Variants in SEC23A observed in about 807,000 individuals in gnomAD.
The protein encoded by SEC23A is protein transport protein Sec23A.
SEC23A carries 56 observed loss-of-function variants against 103.7 expected under a neutral mutation model. That is an observed-to-expected ratio of 0.54 (90% CI 0.44 to 0.67). The LOEUF (loss-of-function observed/expected upper bound fraction) is 0.67, where lower values mean the gene tolerates loss of function less well. SEC23A is among the 30% of genes least tolerant of loss of function. The pLI, the probability that SEC23A is intolerant of heterozygous loss-of-function variation, is 0.00. For missense variants in SEC23A, 784 were observed against 936.4 expected, an observed-to-expected ratio of 0.84 and a Z score of 2.12; for synonymous variants, 281 against 293.0, an observed-to-expected ratio of 0.96 and a Z score of 0.42.
At chr14:39,068,700 C>T (rs1886752831) in intron 9 of SEC23A, among the ~76,000 whole-genome samples, 1 of 152,078 alleles carries the variant, frequency 6.6e-6, no homozygotes, top group South Asian at 2.1e-4. Context: ...ATATGATACA[C>T]ATGCATACAA....
intron 13 of SEC23A, among the ~76,000 whole-genome samples, chr14:39,060,388 C>G (rs1235888535): frequency 6.6e-6 from 1 of 152,120 alleles, no homozygotes; most frequent in Non-Finnish European, 1.5e-5. Context: ...ATGTCCATCA[C>G]TCAACAAAAG....
At chr14:39,096,530 CA>C (rs145342826) in intron 1 of SEC23A, among the ~76,000 whole-genome samples, 39,518 of 132,276 alleles carry the variant, frequency 0.3, 6,211 homozygotes, top group Non-Finnish European at 0.38. Flanking sequence ...AACTCCATCT[CA>C]AAAAAAAAAA....
At chr14:39,040,612 C>T in intron 18 of SEC23A, 120 bp downstream of exon 18, 1 of 1,277,384 alleles carries the variant, frequency 7.8e-7, no homozygotes, top group South Asian at 1.2e-5. Flanking sequence ...CCTTCCCCAC[C>T]TATCTCCTTA....
chr14:39,091,765 A>G (rs1200109401), intron 4 of SEC23A, 52 bp from the exon 5 acceptor site: 1 of 1,197,428 alleles, frequency 8.4e-7, no homozygotes, highest in South Asian at 1.2e-5. Context: ...AGCACAGCAT[A>G]CAAGACAGTC....
intron 2 of SEC23A, among the ~76,000 whole-genome samples, chr14:39,095,628 T>A (rs1887858870): frequency 6.6e-6 from 1 of 152,088 alleles, no homozygotes; most frequent in Non-Finnish European, 1.5e-5. Flanking sequence ...GCAAGATGGG[T>A]TGATACACAT....
intron 7 of SEC23A, among the ~76,000 whole-genome samples, chr14:39,077,296 C>G (rs1887067322): frequency 6.7e-6 from 1 of 148,356 alleles, no homozygotes; most frequent in Non-Finnish European, 1.5e-5. Flanking sequence ...GTAATCCCAG[C>G]ACTTTCAGAG....
chr14:39,093,107 TC>T (rs1277220867), intron 3 of SEC23A, 79 bp downstream of exon 3: 4 of 1,112,102 alleles, frequency 3.6e-6, no homozygotes, highest in Admixed American at 1.8e-5. Flanking sequence ...GACCTCGTGA[TC>T]CACCCGCCTC....
In SEC23A at chr14:39,085,751, A is replaced by C; in HGVS notation, c.828+11T>G. The C allele has an allele frequency of 6.2e-7, 1 of 1,611,458 alleles. No individual in the cohort carries two copies. Among genetic ancestry groups the C allele is most frequent in the Non-Finnish European group, 8.5e-7 (1 of 1,179,420 alleles). On this transcript the variant is annotated intron_variant, in intron 7 of 19. Coordinates refer to ENST00000307712, the MANE Select transcript of SEC23A (RefSeq NM_006364.4). ...ACACTTTACATTCCAAAACAAAACC[A>C]TCTTCCCTACCTCCAGCAGTCCTAC...
At chr14:39,077,421 T>C (rs938801656) in intron 7 of SEC23A, among the ~76,000 whole-genome samples, 4 of 151,536 alleles carry the variant, frequency 2.6e-5, no homozygotes, top group Admixed American at 1.3e-4. Flanking sequence ...CGGGCGCCTG[T>C]AATTCCAGCT....
At chr14:39,068,281 T>C (rs1024171786) in intron 9 of SEC23A, among the ~76,000 whole-genome samples, 1 of 152,148 alleles carries the variant, frequency 6.6e-6, no homozygotes, top group Non-Finnish European at 1.5e-5. Context: ...CATACACTTC[T>C]GCTGGGACTG....
At chr14:39,098,019 G>GGT (rs1378290633) in intron 1 of SEC23A, among the ~76,000 whole-genome samples, 1 of 151,986 alleles carries the variant, frequency 6.6e-6, no homozygotes, top group African/African-American at 2.4e-5. Context: ...AACTGGGGGG[G>GGT]CAGAGGTTGT....
chr14:39,063,448 G>A, intron 11 of SEC23A, 35 bp from the exon 12 acceptor site: 2 of 1,287,524 alleles, frequency 1.6e-6, no homozygotes, highest in Non-Finnish European at 2.2e-6. Context: ...TTGAAAGCTA[G>A]AGACACAATT....
chr14:39,076,111 A>G lies in SEC23A; in HGVS notation c.829-18T>C, dbSNP rs1270120419. The G allele has an allele frequency of 6.4e-7, 1 of 1,568,252 alleles. No homozygotes were observed. Among genetic ancestry groups the G allele is most frequent in the Non-Finnish European group, 8.7e-7 (1 of 1,148,428 alleles). ...AAAGTACACTATTAAAAAAAAAGTC[A>G]AGAGTTTAAAAGAAAACATATGAAT... On this transcript the variant is annotated intron_variant, in intron 7 of 19. Coordinates refer to ENST00000307712, the MANE Select transcript of SEC23A (RefSeq NM_006364.4).
chr14:39,091,548 G>A lies in SEC23A; in HGVS notation c.532C>T (p.Leu178Phe). The change falls in exon 5 of 20, where the codon CTT (leucine) becomes TTT (phenylalanine). Residue 178 changes from leucine (L) to phenylalanine (F), a missense_variant. Physicochemically the swap from Leu to Phe is conservative, Grantham distance 22. Transcript: ENST00000307712. ...CTTTTTGAAATGCCTTCACATCCAAGTTCATGAACCTGAACCATTCTCCCA... is the reference window on the plus strand; with the variant it reads ...CTTTTTGAAATGCCTTCACATCCAAATTCATGAACCTGAACCATTCTCCCA... ...TFGRMVQVHELGCEGISKSYV... is the reference protein window; with the variant it reads ...TFGRMVQVHEFGCEGISKSYV... The A allele has an allele frequency of 6.2e-7, 1 of 1,613,980 alleles. No individual in the cohort carries two copies. Among genetic ancestry groups the A allele is most frequent in the Non-Finnish European group, 8.5e-7 (1 of 1,179,984 alleles).
rs1160995370 is a variant in SEC23A at position 39,094,373 on chromosome 14, TACACACAC to T, written c.222-1137_222-1130del. 3.0e-3 allele frequency among the ~76,000 whole-genome samples: 59 copies of T among 19,452 alleles called. 7 individuals carry two copies. Among genetic ancestry groups the T allele is most frequent in the African/African-American group, 0.01 (48 of 4,668 alleles). 12.8% of individuals were successfully genotyped at this position (19,452 alleles called of 152,430 possible). ...ATATATACACATATACATATATATA[TACACACAC>T]ACACACACACACACACATATATATA... On this transcript the variant is annotated intron_variant, in intron 2 of 19. Transcript: ENST00000307712.
intron 1 of SEC23A, among the ~76,000 whole-genome samples, chr14:39,097,610 C>T (rs917227751): frequency 2.0e-5 from 3 of 152,248 alleles, no homozygotes; most frequent in South Asian, 2.1e-4. Context: ...GCATTCCAAG[C>T]AGTTAAGAAC....
intron 2 of SEC23A, chr14:39,094,915 G>T (rs1248414726): frequency 1.5e-5 from 10 of 673,136 alleles, no homozygotes; most frequent in Admixed American, 4.7e-5. Context: ...TCTTGATAAG[G>T]AGTTTGTATT....
chr14:39,043,570 G>A (rs527250652), intron 16 of SEC23A, among the ~76,000 whole-genome samples: 1 of 152,244 alleles, frequency 6.6e-6, no homozygotes, highest in African/African-American at 2.4e-5. Flanking sequence ...CATGCACAAA[G>A]ATTAAAGCAC....
At chr14:39,043,431 T>G (rs1488019631) in intron 16 of SEC23A, among the ~76,000 whole-genome samples, 3 of 152,162 alleles carry the variant, frequency 2.0e-5, no homozygotes, top group African/African-American at 7.2e-5. Flanking sequence ...CAAGAAGAAT[T>G]CAAGGATAAC....
Sources: gnomAD v4.1 joint callset for allele counts (sites outside exome capture counted in the v4.1 genomes callset) on GRCh38, gnomAD v4.1.1 for gene constraint, MANE v1.5 for transcripts, NCBI Gene and HGNC (gene_info 2026-07-23, HGNC 2026-07-21) for gene names.